DOCK3: variants seen among roughly 807,000 people sequenced by gnomAD.
The protein encoded by DOCK3 is dedicator of cytokinesis protein 3.
Under a neutral mutation model 265.6 loss-of-function variants are expected in DOCK3, and 60 were observed. The observed-to-expected ratio is 0.23, with a 90% CI of 0.18 to 0.28. The LOEUF (loss-of-function observed/expected upper bound fraction) is 0.28, where lower values mean the gene tolerates loss of function less well. Ranked by LOEUF, DOCK3 falls within the 10% of genes least tolerant of loss-of-function variation. DOCK3 has a pLI of 1.00. For synonymous variants in DOCK3, 881 were observed against 938.0 expected (o/e 0.94, Z 1.11); for missense variants, 1,981 against 2,594.3 (o/e 0.76, Z 5.14).
chr3:50,846,332 A>T (rs1475547508), intron 3 of DOCK3, among the ~76,000 whole-genome samples: 1 of 152,216 alleles, frequency 6.6e-6, no homozygotes, highest in Non-Finnish European at 1.5e-5. Flanking sequence ...AATAGAAAGA[A>T]AAACCAGCAA....
chr3:51,358,983 G>A (rs553056972), intron 46 of DOCK3, among the ~76,000 whole-genome samples: 16 of 152,334 alleles, frequency 1.1e-4, no homozygotes, highest in African/African-American at 3.6e-4. Context: ...AGGGATATGA[G>A]CCCAATTACC....
chr3:51,033,896 C>G (rs546053532), intron 5 of DOCK3, among the ~76,000 whole-genome samples: 1 of 152,156 alleles, frequency 6.6e-6, no homozygotes, highest in African/African-American at 2.4e-5. Context: ...TCTCTATAAG[C>G]TTTTTGTAAA....
intron 2 of DOCK3, among the ~76,000 whole-genome samples, chr3:50,829,151 C>T (rs2044972510): frequency 6.6e-6 from 1 of 152,064 alleles, no homozygotes; most frequent in South Asian, 2.1e-4. Context: ...CGCATTGTTT[C>T]AGTTTCTGCT....
At chr3:51,320,443 A>G (rs577779309) in intron 32 of DOCK3, among the ~76,000 whole-genome samples, 1 of 150,192 alleles carries the variant, frequency 6.7e-6, no homozygotes, top group South Asian at 2.1e-4. Flanking sequence ...TTTTTTTCAT[A>G]CCCCAGGGCA....
intron 49 of DOCK3, among the ~76,000 whole-genome samples, chr3:51,365,387 C>A (rs898108770): frequency 6.6e-6 from 1 of 152,216 alleles, no homozygotes; most frequent in Non-Finnish European, 1.5e-5. Context: ...AGCTTTTGGG[C>A]TGAGACAGTG....
At chr3:51,375,446 C>T (rs1451781656) in intron 50 of DOCK3, among the ~76,000 whole-genome samples, 1 of 152,200 alleles carries the variant, frequency 6.6e-6, no homozygotes, top group Non-Finnish European at 1.5e-5. Flanking sequence ...AGGATGCAAA[C>T]AGATGCTCCC....
chr3:50,728,303 G>A (rs751651325), intron 1 of DOCK3, among the ~76,000 whole-genome samples: 12 of 152,142 alleles, frequency 7.9e-5, no homozygotes, highest in Non-Finnish European at 1.6e-4. Context: ...ATTTGTGGGT[G>A]CAGTAAAGCA....
intron 22 of DOCK3, among the ~76,000 whole-genome samples, chr3:51,259,511 A>G (rs1054125910): frequency 5.3e-5 from 8 of 152,150 alleles, no homozygotes; most frequent in African/African-American, 1.7e-4. Flanking sequence ...TCTGCTCCCA[A>G]ACATTTTTGC....
chr3:51,140,536 CTAT>C (rs770720774), intron 9 of DOCK3, among the ~76,000 whole-genome samples: 5 of 152,124 alleles, frequency 3.3e-5, no homozygotes, highest in Non-Finnish European at 7.4e-5. Flanking sequence ...CACCTTCTGG[CTAT>C]TATTAATAAT....
At chr3:51,290,712 A>T (rs529777689) in intron 27 of DOCK3, among the ~76,000 whole-genome samples, 2 of 152,316 alleles carry the variant, frequency 1.3e-5, no homozygotes, top group East Asian at 3.9e-4. Flanking sequence ...AAGACATTTC[A>T]TGCAAATGGA....
Position 51,297,827 on chromosome 3 carries a change from T to C in DOCK3, c.2923-12405T>C, listed in dbSNP as rs1459000681. ...TTAATTAGTTGAGTGTAGTGGTGCA[T>C]GCCTGTAGTCCCAGTTTAGTCCCAG... On this transcript the variant is annotated intron_variant, in intron 27 of 52. Transcript: ENST00000266037. Among the ~76,000 whole-genome samples, 4 of 151,704 alleles carry C rather than the reference T, an allele frequency of 2.6e-5. No individual in the cohort carries two copies. In the East Asian group the frequency reaches 7.7e-4, roughly 29 times the overall value.
intron 51 of DOCK3, among the ~76,000 whole-genome samples, chr3:51,379,199 A>G (rs1013466438): frequency 2.0e-5 from 3 of 152,144 alleles, no homozygotes; most frequent in African/African-American, 7.2e-5. Context: ...ACATTCAGCT[A>G]TCTCATCCTG....
intron 5 of DOCK3, among the ~76,000 whole-genome samples, chr3:50,934,436 T>C (rs1322985998): frequency 6.6e-6 from 1 of 152,142 alleles, no homozygotes. Flanking sequence ...CAGTGGTGGG[T>C]ATAAAGGCCG....
intron 13 of DOCK3, 89 bp from the exon 14 acceptor site, chr3:51,214,033 T>G: frequency 1.3e-6 from 2 of 1,561,748 alleles, no homozygotes; most frequent in Non-Finnish European, 1.7e-6. Flanking sequence ...ACTTTGCACA[T>G]TTTCTTCTGG....
chr3:51,003,897 T>G (rs1238322834), intron 5 of DOCK3, among the ~76,000 whole-genome samples: 2 of 152,266 alleles, frequency 1.3e-5, no homozygotes, highest in East Asian at 1.9e-4. Flanking sequence ...ACCAAAAAAT[T>G]AATACACTTA....
intron 3 of DOCK3, chr3:50,877,325 G>T: frequency 3.9e-5 from 15 of 383,860 alleles, no homozygotes; most frequent in Non-Finnish European, 6.8e-5. Context: ...AATTTTCTTG[G>T]CCCTCAGTTG....
intron 5 of DOCK3, among the ~76,000 whole-genome samples, chr3:51,029,222 T>C (rs1241464512): frequency 6.6e-6 from 1 of 152,222 alleles, no homozygotes; most frequent in Non-Finnish European, 1.5e-5. Flanking sequence ...AGTCATTTTC[T>C]GAGATGCTAC....
At position 51,108,994 on chromosome 3, in the gene DOCK3, T is replaced by C. The variant is rs543968595; in HGVS notation, c.746+18610T>C. On this transcript the variant is annotated intron_variant, in intron 9 of 52. Coordinates refer to ENST00000266037, the MANE Select transcript of DOCK3 (RefSeq NM_004947.5). Reference sequence around the variant, plus strand: ...CATCAAGGCAGAAAATTAGTGAAGATATGCAGGACCTGAACTCAACACTGG... The same window carrying C: ...CATCAAGGCAGAAAATTAGTGAAGACATGCAGGACCTGAACTCAACACTGG... Among the ~76,000 whole-genome samples the C allele has an allele frequency of 1.2e-4, 18 of 152,256 alleles. 1 individual carries two copies. The East Asian group carries it at 3.1e-3, about 26-fold the overall frequency.
At chr3:51,302,964 C>T (rs1372878346) in intron 27 of DOCK3, among the ~76,000 whole-genome samples, 1 of 152,070 alleles carries the variant, frequency 6.6e-6, no homozygotes, top group Non-Finnish European at 1.5e-5. Context: ...GAATGTTGGC[C>T]TCTCTTATTA....
Sources: gnomAD v4.1 joint callset for allele counts (sites outside exome capture counted in the v4.1 genomes callset) on GRCh38, gnomAD v4.1.1 for gene constraint, MANE v1.5 for transcripts, NCBI Gene and HGNC (gene_info 2026-07-23, HGNC 2026-07-21) for gene names.